Variants in JAKMIP3 observed in about 807,000 individuals in gnomAD.
The protein encoded by JAKMIP3 is janus kinase and microtubule-interacting protein 3.
Under a neutral mutation model 118.5 loss-of-function variants are expected in JAKMIP3, and 58 were observed. The observed-to-expected ratio is 0.49, with a 90% CI of 0.40 to 0.61. The LOEUF is 0.61. JAKMIP3 is among the 20% of genes least tolerant of loss of function. The pLI is 0.00. For missense variants in JAKMIP3, 950 were observed against 1,109.0 expected (o/e 0.86, Z 2.04); for synonymous variants, 486 against 451.2 (o/e 1.08, Z -0.98).
intron 17 of JAKMIP3, 104 bp downstream of exon 17, chr10:132,153,127 G>C: frequency 1.1e-6 from 1 of 879,136 alleles, no homozygotes; most frequent in Non-Finnish European, 1.8e-6. Context: ...CTGCAGGGCC[G>C]GGTTTGGGGG....
chr10:132,112,341 G>A lies in JAKMIP3; in HGVS notation c.136-4736G>A, dbSNP rs2046999902. ...CAGAGAACAGTGCGAGGGGAGACGG[G>A]GCTGGGACCTGCCCTGGGCACTCGG... On this transcript the variant is annotated intron_variant, in intron 2 of 23. Coordinates refer to ENST00000684848, the MANE Select transcript of JAKMIP3 (RefSeq NM_001323087.2). This position sits in a 1 kb window ranked among gnomAD's most constrained non-coding sequence, Gnocchi z 4.3. Among the ~76,000 whole-genome samples, 1 of 152,112 alleles carries A rather than the reference G, an allele frequency of 6.6e-6. No individual in the cohort carries two copies.
rs2047029409 is a variant in JAKMIP3, at chr10:132,112,544, G to A, written c.136-4533G>A. On this transcript the variant is annotated intron_variant, in intron 2 of 23. Coordinates refer to ENST00000684848, the MANE Select transcript of JAKMIP3 (RefSeq NM_001323087.2). This position sits in a 1 kb window ranked among gnomAD's most constrained non-coding sequence, Gnocchi z 4.3. ...GTTCAATTGTATTCTTTTCTTCAGTGTTTTTGTCTACAAAGTCCCGCTTGG... is the reference window on the plus strand; with the variant it reads ...GTTCAATTGTATTCTTTTCTTCAGTATTTTTGTCTACAAAGTCCCGCTTGG... Among the ~76,000 whole-genome samples the A allele has an allele frequency of 6.6e-6, 1 of 152,146 alleles. No homozygotes were observed. Among genetic ancestry groups the A allele is most frequent in the Non-Finnish European group, 1.5e-5 (1 of 68,026 alleles).
intron 3 of JAKMIP3, among the ~76,000 whole-genome samples, chr10:132,121,587 G>C (rs1261834235): frequency 1.3e-5 from 2 of 152,168 alleles, no homozygotes; most frequent in East Asian, 3.9e-4. Context: ...GTCAGACATT[G>C]CTCCCTCGAG....
chr10:132,147,635 C>T (rs566412319), intron 13 of JAKMIP3, among the ~76,000 whole-genome samples: 2 of 152,326 alleles, frequency 1.3e-5, no homozygotes, highest in Admixed American at 6.5e-5. Context: ...CTGCTGGAGA[C>T]GTTTATCCTT....
At chr10:132,180,782 T>TGTGTGCGC in intron 23 of JAKMIP3, among the ~76,000 whole-genome samples, 1 of 60,610 alleles carries the variant, frequency 1.6e-5, no homozygotes, top group South Asian at 4.9e-4. Context: ...TGTGTGTGTG[T>TGTGTGCGC]GCGCGTATGC....
chr10:132,115,112 G>A (rs1394143088), intron 2 of JAKMIP3, among the ~76,000 whole-genome samples: 1 of 152,214 alleles, frequency 6.6e-6, no homozygotes, highest in Non-Finnish European at 1.5e-5. Context: ...TCCCCAAGCT[G>A]CCAAATGCCT....
chr10:132,077,281 G>T (rs2040978717), intron 1 of JAKMIP3, among the ~76,000 whole-genome samples: 1 of 152,184 alleles, frequency 6.6e-6, no homozygotes, highest in African/African-American at 2.4e-5. Context: ...TTGTCCGAAA[G>T]AGGGTTCTGG....
intron 1 of JAKMIP3, among the ~76,000 whole-genome samples, chr10:132,042,377 AATTTTTGT>A (rs1332327280): frequency 6.6e-6 from 1 of 151,998 alleles, no homozygotes; most frequent in Non-Finnish European, 1.5e-5. Context: ...ACGCCTGGCT[AATTTTTGT>A]ATTTTTGTAG....
At chr10:132,085,063 G>A (rs1295093484) in intron 1 of JAKMIP3, among the ~76,000 whole-genome samples, 2 of 152,038 alleles carry the variant, frequency 1.3e-5, no homozygotes, top group East Asian at 3.9e-4. Flanking sequence ...CCTTGTTTTG[G>A]TGTTAGGGTG....
At position 132,112,136 on chromosome 10, in the gene JAKMIP3, A is replaced by G. The variant is rs2046973940; in HGVS notation, c.136-4941A>G. Among the ~76,000 whole-genome samples the G allele has an allele frequency of 6.6e-6, 1 of 151,936 alleles. No individual in the cohort carries two copies. Among genetic ancestry groups the G allele is most frequent in the Non-Finnish European group, 1.5e-5 (1 of 67,942 alleles). ...CTGAGGTGGCATCTGGGCGAGGATG[A>G]TGGGCACTGGGGGCCGGAGGACATC... On this transcript the variant is annotated intron_variant, in intron 2 of 23. Coordinates refer to ENST00000684848, the MANE Select transcript of JAKMIP3 (RefSeq NM_001323087.2). The surrounding 1 kb of genome is among the most constrained non-coding windows in gnomAD (Gnocchi z 4.3).
chr10:132,173,195 T>C (rs1411104124), intron 23 of JAKMIP3, among the ~76,000 whole-genome samples: 1 of 33,916 alleles, frequency 2.9e-5, no homozygotes, highest in Non-Finnish European at 6.0e-5. Context: ...TCTCTCTCTC[T>C]CTCCCCCCCT....
chr10:132,145,079 T>G, intron 11 of JAKMIP3, 28 bp from the exon 12 acceptor site: 2 of 1,595,838 alleles, frequency 1.3e-6, no homozygotes, highest in East Asian at 2.2e-5. Context: ...TAGAGAAAAT[T>G]TGATGTATCT....
At chr10:132,159,806 CG>C (rs2057786554) in intron 19 of JAKMIP3, among the ~76,000 whole-genome samples, 1 of 16,250 alleles carries the variant, frequency 6.2e-5, no homozygotes, top group African/African-American at 3.0e-4. Flanking sequence ...GGGGGCCTCT[CG>C]CTGTGTGATG....
chr10:132,086,138 G>C (rs9419356), intron 1 of JAKMIP3, among the ~76,000 whole-genome samples: 20,147 of 152,072 alleles, frequency 0.13, 1,432 homozygotes, highest in East Asian at 0.3. Context: ...TCAGGAGCAG[G>C]TTATTTAATT....
chr10:132,087,120 C>T (rs949241610), intron 1 of JAKMIP3, among the ~76,000 whole-genome samples: 5 of 152,280 alleles, frequency 3.3e-5, no homozygotes, highest in African/African-American at 7.2e-5. Context: ...ATTTATGAAG[C>T]TTAGTTTTAC....
intron 1 of JAKMIP3, among the ~76,000 whole-genome samples, chr10:132,078,933 T>C (rs1243014829): frequency 6.6e-6 from 1 of 152,128 alleles, no homozygotes; most frequent in African/African-American, 2.4e-5. Flanking sequence ...CACGAGCCGG[T>C]GTTGTCTGAC....
chr10:132,144,986 G>T, intron 11 of JAKMIP3, 121 bp from the exon 12 acceptor site: 1 of 736,890 alleles, frequency 1.4e-6, no homozygotes, highest in Non-Finnish European at 2.3e-6. Flanking sequence ...AAGGAAGGGC[G>T]AACAGTCACT....
intron 2 of JAKMIP3, among the ~76,000 whole-genome samples, chr10:132,110,080 T>TGG (rs1197561077): frequency 6.6e-6 from 1 of 152,158 alleles, no homozygotes; most frequent in Non-Finnish European, 1.5e-5. Context: ...GAAGCACCCG[T>TGG]GGGGGAGAAT....
At chr10:132,093,403 C>A (rs7917081) in intron 1 of JAKMIP3, among the ~76,000 whole-genome samples, 53,939 of 152,020 alleles carry the variant, frequency 0.35, 10,012 homozygotes, top group African/African-American at 0.47. Flanking sequence ...TTCTTCCTGG[C>A]AGCTTTGTTT....
Sources: allele counts gnomAD v4.1 joint callset (sites outside exome capture counted in the v4.1 genomes callset), GRCh38; gene constraint gnomAD v4.1.1; non-coding constraint Gnocchi (gnomAD v3.1); transcripts MANE v1.5; gene names NCBI Gene and HGNC (gene_info 2026-07-23, HGNC 2026-07-21).